FAM135B: variants seen among roughly 807,000 people sequenced by gnomAD.
The protein encoded by FAM135B is family with sequence similarity 135 member B, also known as protein FAM135B.
Under a neutral mutation model 127.7 loss-of-function variants are expected in FAM135B, and 43 were observed. The ratio of observed to expected loss-of-function variants is 0.34; its 90% CI spans 0.26 to 0.43. The LOEUF (loss-of-function observed/expected upper bound fraction) is 0.43. Ranked by LOEUF, FAM135B falls within the 20% of genes least tolerant of loss-of-function variation. FAM135B has a pLI of 1.00. For synonymous variants in FAM135B, 670 were observed against 665.1 expected, an observed-to-expected ratio of 1.01 and a Z score of -0.11; for missense variants, 1,558 against 1,725.6, an observed-to-expected ratio of 0.90 and a Z score of 1.72.
At chr8:138,292,919 A>T (rs1449951266) in intron 3 of FAM135B, among the ~76,000 whole-genome samples, 1 of 152,144 alleles carries the variant, frequency 6.6e-6, no homozygotes, top group Non-Finnish European at 1.5e-5. Flanking sequence ...TTCATGTGGA[A>T]CCAAAAAAGA....
chr8:138,490,808 T>C (rs1488236637), intron 1 of FAM135B, among the ~76,000 whole-genome samples: 2 of 152,190 alleles, frequency 1.3e-5, no homozygotes, highest in African/African-American at 4.8e-5. Flanking sequence ...CACTTCAACG[T>C]CTGCTAAATA....
chr8:138,218,353 A>G (rs1005298847), intron 7 of FAM135B, among the ~76,000 whole-genome samples: 4 of 152,228 alleles, frequency 2.6e-5, no homozygotes, highest in African/African-American at 9.7e-5. Flanking sequence ...CACATTAATC[A>G]TGAGAACGAC....
chr8:138,400,056 C>A (rs111736421), intron 1 of FAM135B, among the ~76,000 whole-genome samples: 3,429 of 152,218 alleles, frequency 0.023, 117 homozygotes, highest in African/African-American at 0.074. Context: ...TGTATGAAGA[C>A]TCAATAAATT....
Position 138,448,553 on chromosome 8 carries a change from G to A in FAM135B, c.-20+48118C>T, listed in dbSNP as rs118101064. 1.1e-4 allele frequency among the ~76,000 whole-genome samples: 16 copies of A among 151,974 alleles called. No individual in the cohort carries two copies. The East Asian group carries it at 2.9e-3, about 28-fold the overall frequency. ...GCCTTTAGACTCAAACTGAAATATC[G>A]GCTCTTCCTGGGTCTTGAGCCCGTC... On this transcript the variant is annotated intron_variant, in intron 1 of 19. Transcript: ENST00000395297.
At position 138,227,530 on chromosome 8, in the gene FAM135B, A is replaced by G. The variant is rs1049774529; in HGVS notation, c.669+15412T>C. Among the ~76,000 whole-genome samples, 42 of 152,052 alleles carry G rather than the reference A, an allele frequency of 2.8e-4. 1 individual carries two copies. On this transcript the variant is annotated intron_variant, in intron 7 of 19. Coordinates refer to ENST00000395297, the MANE Select transcript of FAM135B (RefSeq NM_015912.4). ...TCCTGTTACTTGTTTTCTTAAATTT[A>G]TTATTGATAGCTTTATTGGGGTATA...
At chr8:138,457,944 T>A (rs552968840) in intron 1 of FAM135B, among the ~76,000 whole-genome samples, 2 of 137,286 alleles carry the variant, frequency 1.5e-5, no homozygotes, top group African/African-American at 5.6e-5. Context: ...GCCACTGCAC[T>A]CCAGCCTGGG....
At chr8:138,383,410 T>C (rs1831988583) in intron 1 of FAM135B, among the ~76,000 whole-genome samples, 1 of 152,262 alleles carries the variant, frequency 6.6e-6, no homozygotes, top group African/African-American at 2.4e-5. Flanking sequence ...AAGTGCCATC[T>C]GGCACAAAGG....
chr8:138,325,238 A>G (rs946838707), intron 2 of FAM135B, among the ~76,000 whole-genome samples: 1 of 152,212 alleles, frequency 6.6e-6, no homozygotes, highest in African/African-American at 2.4e-5. Context: ...GTTTAAATGG[A>G]GCCTCCGCAG....
intron 1 of FAM135B, among the ~76,000 whole-genome samples, chr8:138,407,959 T>G (rs1833620763): frequency 6.6e-6 from 1 of 152,208 alleles, no homozygotes; most frequent in Non-Finnish European, 1.5e-5. Flanking sequence ...GAGCCGTAGG[T>G]TTCAACACTG....
intron 1 of FAM135B, among the ~76,000 whole-genome samples, chr8:138,395,603 T>G (rs1401576579): frequency 1.3e-5 from 2 of 152,184 alleles, no homozygotes; most frequent in Non-Finnish European, 2.9e-5. Flanking sequence ...TGGGTCTCCT[T>G]GGGCACAAGT....
chr8:138,479,883 T>C (rs146558685), intron 1 of FAM135B, among the ~76,000 whole-genome samples: 5,919 of 152,260 alleles, frequency 0.039, 177 homozygotes, highest in Non-Finnish European at 0.054. Context: ...AAAAACCAAA[T>C]GATATCCCTG....
intron 7 of FAM135B, among the ~76,000 whole-genome samples, chr8:138,215,678 A>AC (rs1426235225): frequency 6.6e-6 from 1 of 152,142 alleles, no homozygotes; most frequent in Non-Finnish European, 1.5e-5. Flanking sequence ...ACATTATAGA[A>AC]CCCCCAAATC....
intron 1 of FAM135B, among the ~76,000 whole-genome samples, chr8:138,407,641 A>G (rs7814065): frequency 0.4 from 60,575 of 151,910 alleles, 12,528 homozygotes; most frequent in African/African-American, 0.52. Flanking sequence ...AAACCTGAGA[A>G]AAACAAGCAG....
At chr8:138,282,893 C>T (rs1192882197) in intron 3 of FAM135B, among the ~76,000 whole-genome samples, 8 of 152,038 alleles carry the variant, frequency 5.3e-5, no homozygotes, top group African/African-American at 1.7e-4. Flanking sequence ...AAGTTCATAG[C>T]AGTTTGTTTT....
intron 1 of FAM135B, among the ~76,000 whole-genome samples, chr8:138,487,530 C>G (rs1034876781): frequency 3.9e-5 from 6 of 151,978 alleles, no homozygotes; most frequent in African/African-American, 1.4e-4. Context: ...GAGCTGTTTC[C>G]CAGTAAATGG....
intron 7 of FAM135B, among the ~76,000 whole-genome samples, chr8:138,233,455 G>A (rs983273324): frequency 1.3e-5 from 2 of 152,126 alleles, no homozygotes; most frequent in Non-Finnish European, 2.9e-5. Context: ...GGGAAAACTG[G>A]ATATCCACAC....
intron 7 of FAM135B, among the ~76,000 whole-genome samples, chr8:138,203,274 C>T: frequency 6.6e-6 from 1 of 152,106 alleles, no homozygotes; most frequent in East Asian, 1.9e-4. Context: ...CAAGCTGTCA[C>T]AAAACCATCT....
chr8:138,416,665 C>G (rs1200606177), intron 1 of FAM135B, among the ~76,000 whole-genome samples: 1 of 152,012 alleles, frequency 6.6e-6, no homozygotes, highest in Non-Finnish European at 1.5e-5. Flanking sequence ...AACATAATTC[C>G]TATTCCCAAA....
chr8:138,423,987 C>T (rs1834687795), intron 1 of FAM135B, among the ~76,000 whole-genome samples: 1 of 152,146 alleles, frequency 6.6e-6, no homozygotes, highest in Non-Finnish European at 1.5e-5. Flanking sequence ...TGTGTTCTGC[C>T]CAGCTCACCA....
Sources: allele counts gnomAD v4.1 joint callset (sites outside exome capture counted in the v4.1 genomes callset), GRCh38; gene constraint gnomAD v4.1.1; transcripts MANE v1.5; gene names NCBI Gene and HGNC (gene_info 2026-07-23, HGNC 2026-07-21).